Variants in YY1AP1 observed in about 807,000 individuals in gnomAD.
The protein encoded by YY1AP1 is YY1-associated protein 1.
In YY1AP1, 43 loss-of-function variants were observed where a neutral mutation model predicts 39.9. The ratio of observed to expected loss-of-function variants is 1.08; its 90% CI spans 0.84 to 1.39. YY1AP1 has a LOEUF of 1.39. Ranked by LOEUF, YY1AP1 falls within the 40% of genes most tolerant of loss-of-function variation. The pLI is 0.00. For missense variants in YY1AP1, 813 were observed against 900.7 expected (o/e 0.90, Z 1.25); for synonymous variants, 292 against 331.3 (o/e 0.88, Z 1.29).
At chr1:155,678,107 C>G (rs1483427887) in intron 4 of YY1AP1, among the ~76,000 whole-genome samples, 1 of 152,208 alleles carries the variant, frequency 6.6e-6, no homozygotes, top group African/African-American at 2.4e-5. Flanking sequence ...CATAAGATTA[C>G]TGTACCTTTT....
intron 4 of YY1AP1, among the ~76,000 whole-genome samples, chr1:155,677,303 A>G (rs1413089416): frequency 6.6e-6 from 1 of 152,210 alleles, no homozygotes; most frequent in Admixed American, 6.5e-5. Flanking sequence ...CATGAAGGCT[A>G]TCTTCTTTTA....
In YY1AP1 at chr1:155,659,645, T is replaced by TA; in HGVS notation, c.*11dup. ...TGAAGGCTCCCAGTCTCCAGACTCT[T>TA]ATTCTCCTAGCTCAAAGAAATCCAC... On this transcript the variant is annotated 3_prime_UTR_variant, in exon 11 of 11. Transcript: ENST00000355499. 6.2e-7 allele frequency: 1 copy of TA among 1,613,980 alleles called. No homozygotes were observed. Among genetic ancestry groups the TA allele is most frequent in the Non-Finnish European group, 8.5e-7 (1 of 1,179,930 alleles).
chr1:155,686,295 A>G lies in YY1AP1; in HGVS notation c.-21+1776T>C, dbSNP rs1652305545. Among the ~76,000 whole-genome samples, 8 of 152,156 alleles carry G rather than the reference A, an allele frequency of 5.3e-5. No homozygotes were observed. In the South Asian group the frequency reaches 1.7e-3, roughly 32 times the overall value. ...CGTGATTCGATCTCCTGACCTCGTGATCCGCCCACCTCGGCCTCCCAAAGT... is the reference window on the plus strand; with the variant it reads ...CGTGATTCGATCTCCTGACCTCGTGGTCCGCCCACCTCGGCCTCCCAAAGT... On this transcript the variant is annotated intron_variant, in intron 2 of 10. Transcript: ENST00000355499.
At position 155,688,060 on chromosome 1, in the gene YY1AP1, G is replaced by T; in HGVS notation, c.-21+11C>A. ...TTAGGCCCGAATGCCGGCCCAAATC[G>T]TTCTACTCACCGTGTCGGAGGCCGA... On this transcript the variant is annotated intron_variant, in intron 2 of 10. Coordinates refer to ENST00000355499, the MANE Select transcript of YY1AP1 (RefSeq NM_139119.3). 1 of 1,568,262 alleles carries T rather than the reference G, an allele frequency of 6.4e-7. No homozygotes were observed.
chr1:155,674,891 C>T lies in YY1AP1; in HGVS notation c.411+119G>A. 5 of 849,616 alleles carry T rather than the reference C, an allele frequency of 5.9e-6. 1 individual carries two copies. The highest frequency in any genetic ancestry group is 4.8e-5 in the South Asian group (3 of 62,996). The allele number at this position is 849,616 out of a possible 1,614,324, so 52.6% of individuals were successfully genotyped here. On this transcript the variant is annotated intron_variant, in intron 6 of 10. Transcript: ENST00000355499. ...CATGTGAATCAGTGGCTTATGTTCA[C>T]TCAGCAAACATAGGAAGCCACAGCA...
intron 7 of YY1AP1, among the ~76,000 whole-genome samples, chr1:155,671,926 C>T (rs974113363): frequency 6.6e-6 from 1 of 152,076 alleles, no homozygotes; most frequent in East Asian, 1.9e-4. Flanking sequence ...CAGAACAAAC[C>T]ACAACTAATT....
At chr1:155,674,265 T>C (rs1205016478) in intron 6 of YY1AP1, among the ~76,000 whole-genome samples, 1 of 150,906 alleles carries the variant, frequency 6.6e-6, no homozygotes, top group East Asian at 1.9e-4. Flanking sequence ...GAATGGATAA[T>C]GAATTCAACA....
chr1:155,673,813 A>G (rs982696023), intron 6 of YY1AP1, among the ~76,000 whole-genome samples: 3 of 152,072 alleles, frequency 2.0e-5, no homozygotes, highest in Admixed American at 6.5e-5. Flanking sequence ...TTGACCTACC[A>G]AAGTGCTGGG....
intron 9 of YY1AP1, among the ~76,000 whole-genome samples, chr1:155,666,526 G>A (rs143928120): frequency 1.8e-3 from 272 of 152,262 alleles, no homozygotes; most frequent in African/African-American, 6.2e-3. Flanking sequence ...GCATGTTTGT[G>A]GTGGGAGTAA....
Position 155,662,627 on chromosome 1 carries a change from A to G in YY1AP1, c.880-1204T>C, listed in dbSNP as rs548923705. The stretch of plus-strand genomic sequence containing the variant: ...ACTGTGCTAAAAGCTAAGCACACAC[A>G]TAAGGGAAGCAATTCCTGCTCTCAT... On this transcript the variant is annotated intron_variant, in intron 9 of 10. Transcript: ENST00000355499. 9.8e-5 allele frequency among the ~76,000 whole-genome samples: 15 copies of G among 152,336 alleles called. No homozygotes were observed. The East Asian group carries it at 2.7e-3, about 27-fold the overall frequency.
intron 5 of YY1AP1, 28 bp downstream of exon 5, chr1:155,676,520 A>G (rs1169168702): frequency 6.2e-7 from 1 of 1,613,198 alleles, no homozygotes; most frequent in Admixed American, 1.7e-5. Flanking sequence ...GTATAATTCA[A>G]TATTAATATG....
At chr1:155,680,734 T>A (rs556886389) in intron 2 of YY1AP1, among the ~76,000 whole-genome samples, 51 of 152,160 alleles carry the variant, frequency 3.4e-4, no homozygotes, top group Non-Finnish European at 6.2e-4. Flanking sequence ...GCCCGGCTAA[T>A]TCTTCCATAT....
At chr1:155,688,621 C>G in intron 1 of YY1AP1, 38 bp downstream of exon 1, 1 of 1,534,766 alleles carries the variant, frequency 6.5e-7, no homozygotes, top group Non-Finnish European at 8.7e-7. Flanking sequence ...CCCCTCAGAC[C>G]CTGTCAAGCC....
chr1:155,664,232 A>G (rs1023201427), intron 9 of YY1AP1, among the ~76,000 whole-genome samples: 1 of 152,070 alleles, frequency 6.6e-6, no homozygotes, highest in African/African-American at 2.4e-5. Flanking sequence ...ATTATTTCCT[A>G]TCTAGAATTC....
chr1:155,659,816 A>T lies in YY1AP1; in HGVS notation c.2094T>A (p.Tyr698Ter), dbSNP rs780109936. 6.2e-7 allele frequency: 1 copy of T among 1,614,202 alleles called. No individual in the cohort carries two copies. The highest frequency in any genetic ancestry group is 8.5e-7 in the Non-Finnish European group (1 of 1,180,036). ...CQEGLSENSAYRWTVVKTEEG... is the reference protein window; with the variant it reads ...CQEGLSENSA ...CCTCTGTTTTCACAACGGTCCAGCG[A>T]TAGGCACTGTTCTCTGACAATCCTT... The change falls in exon 11 of 11, where the codon TAT becomes TAA. Residue 698 changes from tyrosine (Y) to a stop codon, truncating the protein, a stop_gained. Transcript: ENST00000355499. LOFTEE classifies it low-confidence loss of function (END_TRUNC).
chr1:155,668,563 A>C, intron 9 of YY1AP1, 64 bp downstream of exon 9: 1 of 1,611,560 alleles, frequency 6.2e-7, no homozygotes, highest in Admixed American at 1.7e-5. Context: ...TTTGAGAATA[A>C]CAAGAGAAAA....
intron 2 of YY1AP1, among the ~76,000 whole-genome samples, chr1:155,681,655 C>T (rs1040357640): frequency 1.3e-5 from 2 of 152,064 alleles, no homozygotes; most frequent in South Asian, 2.1e-4. Context: ...TCTTTGGACC[C>T]GACCTATTCA....
chr1:155,659,850 T>A lies in YY1AP1; in HGVS notation c.2060A>T (p.Gln687Leu). Residue 687 changes from glutamine (Q) to leucine (L), a missense_variant, in exon 11 of 11, where the codon CAG becomes CTG. This residue lies in a region of YY1AP1 where 586 missense variants were observed against 647.4 expected (regional missense o/e 0.91). Transcript: ENST00000355499. ...HSPGPPPVDK[Q>L]CQEGLSENSA... ...GTTCTCTGACAATCCTTCTTGGCACTGTTTATCGACTGGTGGAGGCCCTGG... is the reference window on the plus strand; with the variant it reads ...GTTCTCTGACAATCCTTCTTGGCACAGTTTATCGACTGGTGGAGGCCCTGG... The A allele has an allele frequency of 6.2e-7, 1 of 1,614,196 alleles. No individual in the cohort carries two copies. The highest frequency in any genetic ancestry group is 8.5e-7 in the Non-Finnish European group (1 of 1,179,998).
intron 9 of YY1AP1, among the ~76,000 whole-genome samples, chr1:155,667,734 A>C (rs907115256): frequency 2.0e-5 from 3 of 152,076 alleles, no homozygotes; most frequent in Admixed American, 6.5e-5. Context: ...AGGCAGGAGA[A>C]TCACTTGAAC....
Sources: allele counts gnomAD v4.1 joint callset (sites outside exome capture counted in the v4.1 genomes callset), GRCh38; gene constraint gnomAD v4.1.1; regional missense constraint gnomAD v4.1.1; transcripts MANE v1.5; gene names NCBI Gene and HGNC (gene_info 2026-07-23, HGNC 2026-07-21).